The following CNTN3 variants were observed in gnomAD, a reference collection of about 807,000 sequenced individuals.
CNTN3 encodes the protein contactin 3.
A neutral mutation model predicts 119.1 loss-of-function variants in CNTN3; 60 were observed. The ratio of observed to expected loss-of-function variants is 0.50; its 90% CI spans 0.41 to 0.62. CNTN3 has a LOEUF of 0.62. Among genes scored for constraint, CNTN3 ranks in the 20% least tolerant of loss-of-function variants. CNTN3 has a pLI of 0.00. For missense variants in CNTN3, 1,101 were observed against 1,242.4 expected, an observed-to-expected ratio of 0.89 and a Z score of 1.71; for synonymous variants, 450 against 438.7, an observed-to-expected ratio of 1.03 and a Z score of -0.32.
intron 4 of CNTN3, among the ~76,000 whole-genome samples, chr3:74,439,439 A>G (rs4676968): frequency 0.68 from 103,165 of 151,830 alleles, 35,214 homozygotes; most frequent in East Asian, 0.72. Flanking sequence ...CCTGGAAGGC[A>G]GAGGTTGCAG....
chr3:74,305,519 G>T (rs954158850), intron 13 of CNTN3, among the ~76,000 whole-genome samples: 1 of 152,030 alleles, frequency 6.6e-6, no homozygotes, highest in African/African-American at 2.4e-5. Flanking sequence ...ACAGTAGAAT[G>T]GACAAACAGG....
At chr3:74,573,124 G>A (rs1049856596) in intron 1 of CNTN3, among the ~76,000 whole-genome samples, 1 of 152,154 alleles carries the variant, frequency 6.6e-6, no homozygotes, top group African/African-American at 2.4e-5. Context: ...GACCCATGAA[G>A]GGGACCCACA....
At chr3:74,541,477 G>C (rs1012165688) in intron 1 of CNTN3, among the ~76,000 whole-genome samples, 2 of 151,862 alleles carry the variant, frequency 1.3e-5, no homozygotes, top group African/African-American at 4.8e-5. Context: ...AATTGAAAAA[G>C]TACACTGCAG....
At chr3:74,571,102 A>G (rs1391608911) in intron 1 of CNTN3, among the ~76,000 whole-genome samples, 2 of 152,228 alleles carry the variant, frequency 1.3e-5, no homozygotes, top group Admixed American at 6.5e-5. Flanking sequence ...TCCATTACAT[A>G]TATCTGTATA....
At chr3:74,502,790 A>G (rs1442626356) in intron 2 of CNTN3, among the ~76,000 whole-genome samples, 2 of 152,062 alleles carry the variant, frequency 1.3e-5, no homozygotes, top group Non-Finnish European at 2.9e-5. Context: ...CAAAGTCATT[A>G]TACACCCTTC....
chr3:74,604,779 A>T (rs1704965465), intron 1 of CNTN3, among the ~76,000 whole-genome samples: 1 of 152,158 alleles, frequency 6.6e-6, no homozygotes, highest in Non-Finnish European at 1.5e-5. Flanking sequence ...CTACCATAGG[A>T]ACTAGCAATA....
intron 1 of CNTN3, among the ~76,000 whole-genome samples, chr3:74,612,969 T>C (rs531116255): frequency 6.6e-6 from 1 of 152,340 alleles, no homozygotes; most frequent in African/African-American, 2.4e-5. Context: ...ACTTTCTCCC[T>C]AGTCCCATGA....
At chr3:74,424,988 T>C (rs1200035542) in intron 4 of CNTN3, 48 bp from the exon 5 acceptor site, 3 of 1,304,804 alleles carry the variant, frequency 2.3e-6, no homozygotes, top group Admixed American at 2.3e-5. Context: ...ACCAATTAAA[T>C]CACAAATTTT....
intron 19 of CNTN3, among the ~76,000 whole-genome samples, chr3:74,290,780 C>T (rs199705485): frequency 6.6e-6 from 1 of 152,140 alleles, no homozygotes; most frequent in Non-Finnish European, 1.5e-5. Context: ...CAAGCTCTGC[C>T]TCCCTGGTTC....
At chr3:74,395,932 TC>T (rs1705039198) in intron 5 of CNTN3, among the ~76,000 whole-genome samples, 1 of 152,214 alleles carries the variant, frequency 6.6e-6, no homozygotes, top group Admixed American at 6.5e-5. Flanking sequence ...TAATCTGTTA[TC>T]AGTGATCTTT....
intron 13 of CNTN3, among the ~76,000 whole-genome samples, chr3:74,318,749 G>T (rs1316623049): frequency 1.3e-5 from 2 of 152,070 alleles, no homozygotes. Context: ...GGCCATGTGA[G>T]GTGTCAGTCT....
At chr3:74,358,758 C>G (rs1459490536) in intron 11 of CNTN3, among the ~76,000 whole-genome samples, 11 of 107,142 alleles carry the variant, frequency 1.0e-4, no homozygotes, top group Admixed American at 3.5e-4. Flanking sequence ...TATCCCTCCC[C>G]CCTCCCCCCA....
At chr3:74,589,557 C>G (rs2106683727) in intron 1 of CNTN3, among the ~76,000 whole-genome samples, 1 of 143,898 alleles carries the variant, frequency 6.9e-6, no homozygotes, top group Non-Finnish European at 1.5e-5. Flanking sequence ...GGCGATTCCT[C>G]AGGGATCTAG....
intron 20 of CNTN3, among the ~76,000 whole-genome samples, chr3:74,284,895 T>C (rs113689521): frequency 2.0e-5 from 3 of 152,282 alleles, no homozygotes; most frequent in African/African-American, 7.2e-5. Flanking sequence ...TTTTGTATGA[T>C]GGAGGAAAGA....
intron 20 of CNTN3, among the ~76,000 whole-genome samples, chr3:74,276,062 A>T (rs966605948): frequency 6.6e-6 from 1 of 152,190 alleles, no homozygotes; most frequent in Non-Finnish European, 1.5e-5. Context: ...ACATTATATA[A>T]TGGTAAAAGG....
At chr3:74,555,049 T>C (rs1255821683) in intron 1 of CNTN3, among the ~76,000 whole-genome samples, 2 of 152,154 alleles carry the variant, frequency 1.3e-5, no homozygotes, top group Non-Finnish European at 2.9e-5. Context: ...GGTTGTGGGT[T>C]TGTCATAAAC....
At chr3:74,499,945 CAATT>C (rs1456513914) in intron 2 of CNTN3, among the ~76,000 whole-genome samples, 160 bp from the exon 3 acceptor site, 1 of 152,002 alleles carries the variant, frequency 6.6e-6, no homozygotes, top group African/African-American at 2.4e-5. Flanking sequence ...TAAAGGAAAT[CAATT>C]AACCCACTCA....
At chr3:74,490,718 A>T (rs1051677486) in intron 3 of CNTN3, among the ~76,000 whole-genome samples, 1 of 152,204 alleles carries the variant, frequency 6.6e-6, no homozygotes, top group Non-Finnish European at 1.5e-5. Flanking sequence ...TTCGGTCTTC[A>T]TCATACAGAC....
At chr3:74,418,212 G>A (rs1390199840) in intron 5 of CNTN3, among the ~76,000 whole-genome samples, 1 of 152,044 alleles carries the variant, frequency 6.6e-6, no homozygotes, top group Non-Finnish European at 1.5e-5. Context: ...TCCCCCTAAA[G>A]AGACAAAGTA....
Sources: gnomAD v4.1 joint callset for allele counts (sites outside exome capture counted in the v4.1 genomes callset) on GRCh38, gnomAD v4.1.1 for gene constraint, MANE v1.5 for transcripts, NCBI Gene and HGNC (gene_info 2026-07-23, HGNC 2026-07-21) for gene names.